Variants in STX2 observed in about 807,000 individuals in gnomAD.
STX2 encodes syntaxin 2, also known as syntaxin-2.
In STX2, 27 loss-of-function variants were observed where a neutral mutation model predicts 40.6. The observed-to-expected ratio is 0.66, with a 90% CI of 0.49 to 0.92. The LOEUF is 0.92. STX2 is among the 40% of genes least tolerant of loss of function. The probability of loss-of-function intolerance (pLI) is 0.00; values close to 1 mark genes in which losing one functional copy is unlikely to be tolerated. For synonymous variants in STX2, 123 were observed against 119.1 expected (o/e 1.03, Z -0.22); for missense variants, 328 against 366.1 (o/e 0.90, Z 0.85).
chr12:130,797,265 A>G (rs927142088), intron 9 of STX2, among the ~76,000 whole-genome samples: 21 of 152,208 alleles, frequency 1.4e-4, no homozygotes, highest in African/African-American at 5.1e-4. Context: ...TCATGGAGAA[A>G]AGGAACAGGA....
intron 9 of STX2, among the ~76,000 whole-genome samples, chr12:130,797,106 C>A (rs573923956): frequency 8.5e-4 from 129 of 152,334 alleles, no homozygotes; most frequent in African/African-American, 3.0e-3. Context: ...CGAGTTTATA[C>A]GCCAGCTACC....
At chr12:130,821,568 G>A in intron 3 of STX2, 121 bp downstream of exon 3, 1 of 794,996 alleles carries the variant, frequency 1.3e-6, no homozygotes, top group Non-Finnish European at 2.1e-6. Context: ...TCTCTAGGGT[G>A]TCAGCATTTC....
chr12:130,823,947 G>C (rs1309345609), intron 2 of STX2, among the ~76,000 whole-genome samples: 1 of 152,194 alleles, frequency 6.6e-6, no homozygotes, highest in Non-Finnish European at 1.5e-5. Context: ...CTCCATCATT[G>C]TGCAGTCATA....
intron 6 of STX2, among the ~76,000 whole-genome samples, chr12:130,804,841 T>C (rs1164741776): frequency 6.6e-6 from 1 of 152,204 alleles, no homozygotes; most frequent in Non-Finnish European, 1.5e-5. Context: ...CAAACAGTAC[T>C]GCATTCGATA....
At chr12:130,820,533 G>A (rs1246104626) in intron 3 of STX2, among the ~76,000 whole-genome samples, 1 of 152,118 alleles carries the variant, frequency 6.6e-6, no homozygotes, top group African/African-American at 2.4e-5. Context: ...GGGCGTGGTG[G>A]TGGGCACCTG....
intron 1 of STX2, among the ~76,000 whole-genome samples, chr12:130,833,761 T>C (rs1463345995): frequency 1.3e-5 from 2 of 152,230 alleles, no homozygotes; most frequent in Non-Finnish European, 2.9e-5. Context: ...GATGGGTTTC[T>C]GTCCCTTTTA....
chr12:130,826,785 G>A (rs1256902110), intron 2 of STX2, among the ~76,000 whole-genome samples: 1 of 151,764 alleles, frequency 6.6e-6, no homozygotes, highest in East Asian at 1.9e-4. Flanking sequence ...CGGATTGCCT[G>A]AGCTCAGGAG....
At chr12:130,808,167 C>G (rs947777394) in intron 5 of STX2, among the ~76,000 whole-genome samples, 1 of 152,164 alleles carries the variant, frequency 6.6e-6, no homozygotes, top group Non-Finnish European at 1.5e-5. Context: ...CACTGGCCCA[C>G]GTAAGAGGCG....
chr12:130,818,282 G>C (rs1565924873), intron 3 of STX2, among the ~76,000 whole-genome samples: 1 of 147,252 alleles, frequency 6.8e-6, no homozygotes, highest in Non-Finnish European at 1.5e-5. Flanking sequence ...GCAGTGGGAG[G>C]ACTGTCTGAG....
chr12:130,792,222 A>ACCAC (rs1397785484), intron 10 of STX2, among the ~76,000 whole-genome samples: 1 of 151,980 alleles, frequency 6.6e-6, no homozygotes, highest in African/African-American at 2.4e-5. Flanking sequence ...CACCACGCCC[A>ACCAC]GCTAATTTTT....
Position 130,839,131 on chromosome 12 carries a change from C to G in STX2, c.-32G>C. Reference sequence around the variant, plus strand: ...CGGCCGGGCAGCGCGCCCCGCCGCTCAAGCCTGTCCCGAGCTGCCTCCGGC... The same window carrying G: ...CGGCCGGGCAGCGCGCCCCGCCGCTGAAGCCTGTCCCGAGCTGCCTCCGGC... On this transcript the variant is annotated 5_prime_UTR_variant, in exon 1 of 11. Transcript: ENST00000392373. The G allele has an allele frequency of 1.7e-6, 2 of 1,209,032 alleles. No individual in the cohort carries two copies. The highest frequency in any genetic ancestry group is 2.1e-6 in the Non-Finnish European group (2 of 971,750). The allele number at this position is 1,209,032 out of a possible 1,614,324, so 74.9% of individuals were successfully genotyped here.
At chr12:130,823,059 T>C (rs1301879255) in intron 2 of STX2, among the ~76,000 whole-genome samples, 1 of 152,056 alleles carries the variant, frequency 6.6e-6, no homozygotes, top group Non-Finnish European at 1.5e-5. Flanking sequence ...TCCCAGCACT[T>C]TGGGAGCCAA....
intron 1 of STX2, among the ~76,000 whole-genome samples, chr12:130,827,684 G>T (rs117114586): frequency 2.8e-3 from 420 of 152,318 alleles, no homozygotes; most frequent in Non-Finnish European, 4.9e-3. Flanking sequence ...GAGGCTGAGG[G>T]GGGCAGAATG....
chr12:130,827,180 T>C lies in STX2; in HGVS notation c.105+13A>G. 2 of 1,610,538 alleles carry C rather than the reference T, an allele frequency of 1.2e-6. No individual in the cohort carries two copies. The highest frequency in any genetic ancestry group is 1.7e-6 in the Non-Finnish European group (2 of 1,177,770). On this transcript the variant is annotated intron_variant, in intron 2 of 10. Transcript: ENST00000392373. Reference sequence around the variant, plus strand: ...TAGGCAGGCTATGATTGGGTTTCATTAAACGCTCTTACCTGATGGAAGAAA... The same window carrying C: ...TAGGCAGGCTATGATTGGGTTTCATCAAACGCTCTTACCTGATGGAAGAAA...
At chr12:130,811,311 T>C (rs11611423) in intron 4 of STX2, among the ~76,000 whole-genome samples, 28,826 of 146,648 alleles carry the variant, frequency 0.2, 3,507 homozygotes, top group East Asian at 0.31. Context: ...TGAGCCGAGA[T>C]TGTGCCACTG....
chr12:130,794,613 C>T (rs958842264), intron 10 of STX2, among the ~76,000 whole-genome samples: 5 of 152,204 alleles, frequency 3.3e-5, no homozygotes, highest in African/African-American at 1.2e-4. Flanking sequence ...CCTCCTGCCT[C>T]GGCCTCTGGC....
chr12:130,828,028 C>T lies in STX2; in HGVS notation c.31-761G>A, dbSNP rs1045043266. Among the ~76,000 whole-genome samples, 9 of 152,190 alleles carry T rather than the reference C, an allele frequency of 5.9e-5. 1 individual carries two copies. The highest frequency in any genetic ancestry group is 5.9e-5 in the Non-Finnish European group (4 of 68,030). Reference sequence around the variant, plus strand: ...AGCTGAAGACCTGGGCTCCAGCCTCCTCCCCAGCAGCCCATTAGCTTGTCT... The same window carrying T: ...AGCTGAAGACCTGGGCTCCAGCCTCTTCCCCAGCAGCCCATTAGCTTGTCT... On this transcript the variant is annotated intron_variant, in intron 1 of 10. Transcript: ENST00000392373.
chr12:130,807,379 C>T (rs1361553040), intron 5 of STX2, among the ~76,000 whole-genome samples: 1 of 152,198 alleles, frequency 6.6e-6, no homozygotes, highest in East Asian at 1.9e-4. Context: ...AAACACAGAT[C>T]AGCACTGGGA....
intron 1 of STX2, among the ~76,000 whole-genome samples, chr12:130,831,866 ATT>A (rs60003050): frequency 0.011 from 1,166 of 106,590 alleles, 8 homozygotes; most frequent in African/African-American, 0.025. Context: ...CACTTCTGCA[ATT>A]TTTTTTTTTT....
Sources: allele counts gnomAD v4.1 joint callset (sites outside exome capture counted in the v4.1 genomes callset), GRCh38; gene constraint gnomAD v4.1.1; transcripts MANE v1.5; gene names NCBI Gene and HGNC (gene_info 2026-07-23, HGNC 2026-07-21).